The following TANC2 variants were observed in gnomAD, a reference collection of about 807,000 sequenced individuals.
TANC2 encodes protein TANC2.
In TANC2, 26 loss-of-function variants were observed where a neutral mutation model predicts 210.5. The ratio of observed to expected loss-of-function variants is 0.12; its 90% CI spans 0.09 to 0.17. The LOEUF (loss-of-function observed/expected upper bound fraction) is 0.17, where lower values mean the gene tolerates loss of function less well. Ranked by LOEUF, TANC2 falls within the 10% of genes least tolerant of loss-of-function variation. TANC2 has a pLI of 1.00. For synonymous variants in TANC2, 931 were observed against 967.1 expected, an observed-to-expected ratio of 0.96 and a Z score of 0.69; for missense variants, 2,129 against 2,608.9, an observed-to-expected ratio of 0.82 and a Z score of 4.01.
intron 8 of TANC2, among the ~76,000 whole-genome samples, chr17:63,240,953 T>A (rs913526448): frequency 6.6e-6 from 1 of 152,212 alleles, no homozygotes; most frequent in African/African-American, 2.4e-5. Flanking sequence ...ATCTAAACTT[T>A]TTGACATTAG....
rs908250530 is a variant in TANC2, at chr17:63,233,167, C to T, written c.770-4647C>T. Among the ~76,000 whole-genome samples, 16 of 152,206 alleles carry T rather than the reference C, an allele frequency of 1.1e-4. 1 individual carries two copies. Among genetic ancestry groups the T allele is most frequent in the African/African-American group, 3.9e-4 (16 of 41,446 alleles). The stretch of plus-strand genomic sequence containing the variant: ...TGGCTGCTGCCCCTCTTCCCAGGAG[C>T]TCAGTCATCTTAGGTAGGAGGCAGC... On this transcript the variant is annotated intron_variant, in intron 7 of 27. Coordinates refer to ENST00000689528, the Ensembl canonical transcript of TANC2.
chr17:63,122,379 G>A (rs1473778142), intron 4 of TANC2, among the ~76,000 whole-genome samples: 1 of 152,170 alleles, frequency 6.6e-6, no homozygotes, highest in Non-Finnish European at 1.5e-5. Flanking sequence ...TCATTTAGAA[G>A]GAAAGAAGAG....
intron 9 of TANC2, among the ~76,000 whole-genome samples, chr17:63,309,215 C>G (rs1195852215): frequency 1.3e-5 from 2 of 152,034 alleles, no homozygotes; most frequent in African/African-American, 4.8e-5. Context: ...TTGCACTTTT[C>G]TTATGAATCA....
rs567070448 is a variant in TANC2 at position 62,969,488 on chromosome 17, T to TAG, written c.-24+2741_-24+2742dup. Among the ~76,000 whole-genome samples, 828 of 152,358 alleles carry TAG rather than the reference T, an allele frequency of 5.4e-3. 6 individuals carry two copies. Among genetic ancestry groups the TAG allele is most frequent in the Non-Finnish European group, 7.2e-3 (488 of 68,036 alleles). On this transcript the variant is annotated intron_variant, in intron 1 of 27. Transcript: ENST00000689528. Reference sequence around the variant, plus strand: ...TGTGGATAAACCTGGACAACTCACATAGATGTTAAGTCTGCATATATACAA... The same window carrying TAG: ...TGTGGATAAACCTGGACAACTCACATAGAGATGTTAAGTCTGCATATATACAA...
Position 63,418,233 on chromosome 17 carries a change from A to C in TANC2, c.4168-74A>C, listed in dbSNP as rs2048924481. The C allele has an allele frequency of 1.4e-6, 2 of 1,426,830 alleles. No individual in the cohort carries two copies. Among genetic ancestry groups the C allele is most frequent in the Non-Finnish European group, 1.9e-6 (2 of 1,035,898 alleles). 88.4% of individuals were successfully genotyped at this position (1,426,830 alleles called of 1,614,324 possible). A position where few individuals can be genotyped will look rare whatever the true frequency, so the allele number is the denominator to read the frequency against. Reference sequence around the variant, plus strand: ...ATGAATGTCAAAAAATGTACAAATAATTTGTTTTATTCCCAAGTTGTCTAT... The same window carrying C: ...ATGAATGTCAAAAAATGTACAAATACTTTGTTTTATTCCCAAGTTGTCTAT... On this transcript the variant is annotated intron_variant, in intron 26 of 27. Coordinates refer to ENST00000689528, the Ensembl canonical transcript of TANC2. The surrounding 1 kb of genome is among the most constrained non-coding windows in gnomAD (Gnocchi z 4.6).
chr17:63,405,993 A>T (rs1411746525), intron 20 of TANC2, among the ~76,000 whole-genome samples, 161 bp from the exon 21 acceptor site: 4 of 152,252 alleles, frequency 2.6e-5, no homozygotes, highest in Admixed American at 6.5e-5. Context: ...AGATTAAATC[A>T]CATGGTACTA....
At chr17:63,372,122 T>C (rs972083598) in intron 14 of TANC2, among the ~76,000 whole-genome samples, 1 of 152,196 alleles carries the variant, frequency 6.6e-6, no homozygotes, top group African/African-American at 2.4e-5. Context: ...TAAAATCAAA[T>C]ATACCTTGAA....
intron 6 of TANC2, among the ~76,000 whole-genome samples, chr17:63,198,346 C>T (rs1422261602): frequency 6.6e-6 from 1 of 152,062 alleles, no homozygotes; most frequent in Admixed American, 6.6e-5. Flanking sequence ...AGGCATGCAC[C>T]ACCACACCCA....
chr17:62,970,369 C>G (rs1285816137), intron 1 of TANC2, among the ~76,000 whole-genome samples: 1 of 152,196 alleles, frequency 6.6e-6, no homozygotes, highest in East Asian at 1.9e-4. Flanking sequence ...TTTTAGCATA[C>G]TTCACTTGTA....
intron 12 of TANC2, among the ~76,000 whole-genome samples, chr17:63,350,666 G>A (rs1192266326): frequency 6.6e-6 from 1 of 152,126 alleles, no homozygotes; most frequent in Admixed American, 6.5e-5. Flanking sequence ...CTAGGAAGCT[G>A]CTACGGTGTT....
chr17:63,403,712 TAAGAC>T (rs1425844595), intron 19 of TANC2, among the ~76,000 whole-genome samples: 1 of 152,172 alleles, frequency 6.6e-6, no homozygotes, highest in Non-Finnish European at 1.5e-5. Flanking sequence ...AAAATACACA[TAAGAC>T]AAGCCATAGA....
At chr17:63,103,689 A>G (rs555248144) in intron 4 of TANC2, among the ~76,000 whole-genome samples, 1 of 152,356 alleles carries the variant, frequency 6.6e-6, no homozygotes, top group East Asian at 1.9e-4. Flanking sequence ...TATTGTTAAT[A>G]AAATTTGTTG....
At position 63,343,683 on chromosome 17, in the gene TANC2, T is replaced by A. The variant is rs185873497; in HGVS notation, c.1807+3351T>A. On this transcript the variant is annotated intron_variant, in intron 12 of 27. Transcript: ENST00000689528. ...GCTTTGGGAGGCCAGGGCAGGAGGA[T>A]CACTTGAGCCTAGAATTCAAAACCA... 3.6e-3 allele frequency among the ~76,000 whole-genome samples: 552 copies of A among 152,160 alleles called. 5 individuals carry two copies. Among genetic ancestry groups the A allele is most frequent in the Non-Finnish European group, 5.6e-3 (379 of 67,996 alleles).
intron 11 of TANC2, among the ~76,000 whole-genome samples, chr17:63,320,807 A>G (rs1490333932): frequency 6.6e-6 from 1 of 152,162 alleles, no homozygotes; most frequent in Non-Finnish European, 1.5e-5. Flanking sequence ...AGCCCTGGAA[A>G]TATTCTTTAA....
intron 11 of TANC2, among the ~76,000 whole-genome samples, chr17:63,327,786 T>A (rs1359420044): frequency 1.2e-4 from 19 of 152,318 alleles, no homozygotes; most frequent in Admixed American, 4.6e-4. Flanking sequence ...TGGTTTTTTT[T>A]ATTATACTTT....
At chr17:63,000,178 C>T (rs765570321) in intron 1 of TANC2, among the ~76,000 whole-genome samples, 4 of 152,074 alleles carry the variant, frequency 2.6e-5, no homozygotes, top group Non-Finnish European at 4.4e-5. Context: ...CCCTGTCACA[C>T]GCATTTTACC....
At chr17:62,989,808 G>A (rs1207281718) in intron 1 of TANC2, among the ~76,000 whole-genome samples, 8 of 115,546 alleles carry the variant, frequency 6.9e-5, no homozygotes, top group African/African-American at 2.8e-4. Context: ...GTTTCACTCT[G>A]TCGCCCAGCC....
intron 8 of TANC2, among the ~76,000 whole-genome samples, chr17:63,239,891 C>T (rs2042726934): frequency 1.3e-5 from 2 of 152,028 alleles, no homozygotes; most frequent in Admixed American, 6.6e-5. Flanking sequence ...GGAACAAGCA[C>T]CTCACATGAC....
Position 63,415,510 on chromosome 17 carries a change from A to T in TANC2, c.4021-18A>T, listed in dbSNP as rs1371230294. ...CAGCAGACCAACTGTGTGTTTCGCC[A>T]TCTTGTGCTCCCATTAGAAAGGTAA... On this transcript the variant is annotated intron_variant, in intron 25 of 27. Coordinates refer to ENST00000689528, the Ensembl canonical transcript of TANC2. 1.2e-6 allele frequency: 2 copies of T among 1,612,134 alleles called. No individual in the cohort carries two copies. The highest frequency in any genetic ancestry group is 2.2e-5 in the South Asian group (2 of 90,982).
Sources: allele counts gnomAD v4.1 joint callset (sites outside exome capture counted in the v4.1 genomes callset), GRCh38; gene constraint gnomAD v4.1.1; non-coding constraint Gnocchi (gnomAD v3.1); transcripts MANE v1.5; gene names NCBI Gene and HGNC (gene_info 2026-07-23, HGNC 2026-07-21).